MARCHF1: variants seen among roughly 807,000 people sequenced by gnomAD.
The protein encoded by MARCHF1 is membrane associated ring-CH-type finger 1.
Under a neutral mutation model 54.2 loss-of-function variants are expected in MARCHF1, and 40 were observed. The observed-to-expected ratio is 0.74, with a 90% confidence interval of 0.57 to 0.96. The LOEUF is 0.96. Among genes scored for constraint, MARCHF1 ranks in the 40% least tolerant of loss-of-function variants. The pLI, the probability that MARCHF1 is intolerant of heterozygous loss-of-function variation, is 0.00. For missense variants in MARCHF1, 586 were observed against 656.5 expected, an observed-to-expected ratio of 0.89 and a Z score of 1.17; for synonymous variants, 236 against 236.3, an observed-to-expected ratio of 1.00 and a Z score of 0.01.
intron 4 of MARCHF1, among the ~76,000 whole-genome samples, chr4:163,843,526 G>GTT (rs540331418): frequency 4.7e-5 from 7 of 148,728 alleles, no homozygotes; most frequent in African/African-American, 1.2e-4. Flanking sequence ...GCCAACACCT[G>GTT]TTTTTTTTTT....
intron 5 of MARCHF1, among the ~76,000 whole-genome samples, chr4:163,648,231 G>T (rs1232228345): frequency 6.6e-6 from 1 of 151,800 alleles, no homozygotes; most frequent in Non-Finnish European, 1.5e-5. Flanking sequence ...TAACTGTAAA[G>T]AAAAATTATT....
intron 5 of MARCHF1, among the ~76,000 whole-genome samples, chr4:163,627,202 G>A (rs999803324): frequency 6.6e-6 from 1 of 152,076 alleles, no homozygotes; most frequent in Non-Finnish European, 1.5e-5. Context: ...CCAATGACAG[G>A]AAATTCACTA....
Position 164,316,510 on chromosome 4 carries a change from G to A in MARCHF1, c.-323+67360C>T, listed in dbSNP as rs115641516. Among the ~76,000 whole-genome samples, 785 of 152,172 alleles carry A rather than the reference G, an allele frequency of 5.2e-3. 9 individuals are homozygous for A. The highest frequency in any genetic ancestry group is 0.016 in the African/African-American group (662 of 41,512). ...CTATAAAAAGGATAAGAAAAAAGATGAGTAAAAAGACACAATAACAAAAGT... is the reference window on the plus strand; with the variant it reads ...CTATAAAAAGGATAAGAAAAAAGATAAGTAAAAAGACACAATAACAAAAGT... On this transcript the variant is annotated intron_variant, in intron 1 of 9. Transcript: ENST00000514618.
chr4:163,733,258 T>TACACACAC (rs56295544), intron 4 of MARCHF1, among the ~76,000 whole-genome samples: 2 of 45,062 alleles, frequency 4.4e-5, no homozygotes, highest in African/African-American at 6.6e-5. Context: ...TATATATATA[T>TACACACAC]ACACACACAC....
At chr4:163,651,611 T>C (rs115285488) in intron 5 of MARCHF1, among the ~76,000 whole-genome samples, 14 of 151,466 alleles carry the variant, frequency 9.2e-5, no homozygotes, top group Non-Finnish European at 1.5e-4. Flanking sequence ...CCTTTAGTCA[T>C]ACTTTAGTGG....
intron 8 of MARCHF1, among the ~76,000 whole-genome samples, chr4:163,554,246 C>T (rs748753174): frequency 1.3e-5 from 2 of 152,164 alleles, no homozygotes; most frequent in South Asian, 2.1e-4. Context: ...ATGCTTGTCA[C>T]GTTAGTTTAC....
chr4:163,908,214 T>A (rs932322113), intron 3 of MARCHF1, among the ~76,000 whole-genome samples: 2 of 152,136 alleles, frequency 1.3e-5, no homozygotes, highest in African/African-American at 2.4e-5. Context: ...TCTGCAACTA[T>A]CTTCTGCATA....
At chr4:163,562,089 G>A (rs533365634) in intron 8 of MARCHF1, among the ~76,000 whole-genome samples, 1 of 152,200 alleles carries the variant, frequency 6.6e-6, no homozygotes, top group South Asian at 2.1e-4. Context: ...CTGAGGTCAG[G>A]AGTTTGAGAC....
intron 1 of MARCHF1, among the ~76,000 whole-genome samples, chr4:164,364,743 A>C (rs1730832652): frequency 1.3e-5 from 2 of 149,332 alleles, no homozygotes. Context: ...TAATCCTTTT[A>C]TTCACCATTT....
At chr4:163,696,277 G>A (rs770455643) in intron 5 of MARCHF1, among the ~76,000 whole-genome samples, 2 of 152,012 alleles carry the variant, frequency 1.3e-5, no homozygotes, top group African/African-American at 4.8e-5. Flanking sequence ...TGATGTTCAC[G>A]AGCAATTGCA....
intron 1 of MARCHF1, among the ~76,000 whole-genome samples, chr4:164,142,141 A>G (rs1199396912): frequency 6.6e-6 from 1 of 152,192 alleles, no homozygotes; most frequent in Non-Finnish European, 1.5e-5. Flanking sequence ...CACCTGGAGA[A>G]TATATCCTGC....
rs542714667 is a variant in MARCHF1 at position 163,640,332 on chromosome 4, C to T, written c.163-26939G>A. On this transcript the variant is annotated intron_variant, in intron 5 of 9. Coordinates refer to ENST00000514618, the MANE Select transcript of MARCHF1 (RefSeq NM_001394959.1). ...TTTTATATGCCCAGTAATATGCTTCCATGAAGCCATATCCATGTGACTAGT... is the reference window on the plus strand; with the variant it reads ...TTTTATATGCCCAGTAATATGCTTCTATGAAGCCATATCCATGTGACTAGT... Among the ~76,000 whole-genome samples, 5 of 152,188 alleles carry T rather than the reference C, an allele frequency of 3.3e-5. No homozygotes were observed. In the East Asian group the frequency reaches 9.6e-4, roughly 29 times the overall value.
chr4:163,872,204 G>A (rs1750183398), intron 3 of MARCHF1, among the ~76,000 whole-genome samples: 1 of 152,218 alleles, frequency 6.6e-6, no homozygotes, highest in Non-Finnish European at 1.5e-5. Context: ...TATGTAATGT[G>A]TATGTGTTCT....
intron 2 of MARCHF1, among the ~76,000 whole-genome samples, chr4:164,048,255 C>A (rs1320971582): frequency 6.6e-6 from 1 of 151,892 alleles, no homozygotes; most frequent in East Asian, 1.9e-4. Context: ...CACTTTAATC[C>A]TTTTTTCTAG....
At chr4:163,889,914 ATTTTC>A (rs1248632248) in intron 3 of MARCHF1, among the ~76,000 whole-genome samples, 2 of 67,140 alleles carry the variant, frequency 3.0e-5, no homozygotes, top group Non-Finnish European at 6.1e-5. Flanking sequence ...TCGTTTATTT[ATTTTC>A]TTTTTTCTTT....
intron 1 of MARCHF1, among the ~76,000 whole-genome samples, chr4:164,325,333 T>TTTTATA (rs375590729): frequency 7.2e-6 from 1 of 138,460 alleles, no homozygotes; most frequent in African/African-American, 2.7e-5. Context: ...TAGACAGAAA[T>TTTTATA]TATATATATA....
At chr4:163,630,919 T>C (rs1182852404) in intron 5 of MARCHF1, among the ~76,000 whole-genome samples, 1 of 151,324 alleles carries the variant, frequency 6.6e-6, no homozygotes, top group East Asian at 1.9e-4. Context: ...GATGAAAGAA[T>C]AGAAAAGAGA....
At position 163,724,408 on chromosome 4, in the gene MARCHF1, A is replaced by C. The variant is rs900544516; in HGVS notation, c.112-23545T>G. Among the ~76,000 whole-genome samples the C allele has an allele frequency of 6.6e-5, 10 of 152,342 alleles. No homozygotes were observed. In the East Asian group the frequency reaches 1.9e-3, roughly 29 times the overall value. ...GGGGGACCCGGCTGTGTGAGGTGTC[A>C]GTCTGCCCCTACTGGGGGGTGCCTC... On this transcript the variant is annotated intron_variant, in intron 4 of 9. Transcript: ENST00000514618.
intron 5 of MARCHF1, among the ~76,000 whole-genome samples, chr4:163,675,464 G>C (rs565631560): frequency 1.3e-5 from 2 of 152,328 alleles, no homozygotes; most frequent in Non-Finnish European, 2.9e-5. Context: ...GTGGAGGAGA[G>C]AGAGAGTGAA....
Sources: gnomAD v4.1 joint callset for allele counts (sites outside exome capture counted in the v4.1 genomes callset) on GRCh38, gnomAD v4.1.1 for gene constraint, MANE v1.5 for transcripts, NCBI Gene and HGNC (gene_info 2026-07-23, HGNC 2026-07-21) for gene names.